The following EXOC2 variants were observed in gnomAD, a reference collection of about 807,000 sequenced individuals.
EXOC2 encodes the protein exocyst complex component 2.
In EXOC2, 70 loss-of-function variants were observed where a neutral mutation model predicts 131.8. That is an observed-to-expected ratio of 0.53 (90% CI 0.44 to 0.65). The LOEUF is 0.65. Ranked by LOEUF, EXOC2 falls within the 30% of genes least tolerant of loss-of-function variation. EXOC2 has a pLI of 0.00. For synonymous variants in EXOC2, 411 were observed against 398.4 expected (o/e 1.03, Z -0.38); for missense variants, 923 against 1,108.6 (o/e 0.83, Z 2.38).
chr6:657,244 T>C (rs1332792886), intron 1 of EXOC2: 5 of 290,792 alleles, frequency 1.7e-5, no homozygotes, highest in East Asian at 5.9e-5. Context: ...TGAAACTTCT[T>C]AGTATTCTAA....
At chr6:650,498 G>GT (rs1163937948) in intron 1 of EXOC2, among the ~76,000 whole-genome samples, 1 of 152,076 alleles carries the variant, frequency 6.6e-6, no homozygotes, top group Non-Finnish European at 1.5e-5. Flanking sequence ...ATTGTAAAAC[G>GT]TTTTTACTGT....
chr6:593,988 T>G (rs1167569401), intron 10 of EXOC2, among the ~76,000 whole-genome samples: 1 of 152,238 alleles, frequency 6.6e-6, no homozygotes, highest in African/African-American at 2.4e-5. Context: ...TCCAGGCATC[T>G]GCAGACGGGC....
chr6:507,494 T>C (rs770293225), intron 23 of EXOC2, among the ~76,000 whole-genome samples: 1 of 152,122 alleles, frequency 6.6e-6, no homozygotes, highest in African/African-American at 2.4e-5. Flanking sequence ...CTTTAAACAG[T>C]GCAAGAAAGC....
At chr6:618,914 G>T (rs1451258987) in intron 5 of EXOC2, among the ~76,000 whole-genome samples, 1 of 152,150 alleles carries the variant, frequency 6.6e-6, no homozygotes, top group African/African-American at 2.4e-5. Flanking sequence ...ACTTGCTCTT[G>T]TACAGAGTAA....
intron 22 of EXOC2, among the ~76,000 whole-genome samples, chr6:539,343 C>T (rs1317235282): frequency 2.6e-5 from 4 of 152,216 alleles, no homozygotes; most frequent in African/African-American, 9.6e-5. Flanking sequence ...CAGCGCCCTG[C>T]CACCTTAGCA....
intron 7 of EXOC2, among the ~76,000 whole-genome samples, chr6:605,598 T>C (rs1237032600): frequency 6.6e-6 from 1 of 152,208 alleles, no homozygotes; most frequent in Non-Finnish European, 1.5e-5. Flanking sequence ...TCTCTTTTCT[T>C]CTTTATTAGT....
chr6:580,170 T>C (rs150896692), intron 11 of EXOC2, among the ~76,000 whole-genome samples: 9 of 152,144 alleles, frequency 5.9e-5, no homozygotes, highest in Admixed American at 2.6e-4. Flanking sequence ...GCCTCTCAAG[T>C]AGCTGAGACT....
At chr6:619,365 C>T (rs1209695426) in intron 5 of EXOC2, 65 bp downstream of exon 5, 76 of 1,307,452 alleles carry the variant, frequency 5.8e-5, no homozygotes, top group Non-Finnish European at 7.6e-5. Flanking sequence ...CTCGAGTTAC[C>T]GTGTAATTCC....
At chr6:561,044 A>G (rs1757674858) in intron 17 of EXOC2, among the ~76,000 whole-genome samples, 1 of 152,174 alleles carries the variant, frequency 6.6e-6, no homozygotes, top group Non-Finnish European at 1.5e-5. Context: ...AAGCATTTAA[A>G]ATAGAATCTT....
intron 27 of EXOC2, 147 bp downstream of exon 27, chr6:488,832 A>G: frequency 1.4e-6 from 1 of 729,782 alleles, no homozygotes; most frequent in Non-Finnish European, 2.2e-6. Context: ...TACTAACGCT[A>G]TTAAGTAGGT....
At chr6:492,366 A>G (rs1763485839) in intron 25 of EXOC2, among the ~76,000 whole-genome samples, 3 of 152,230 alleles carry the variant, frequency 2.0e-5, no homozygotes, top group Admixed American at 1.3e-4. Context: ...AAGATTAAGT[A>G]TAGAGTAACC....
intron 23 of EXOC2, among the ~76,000 whole-genome samples, chr6:505,385 G>A (rs367632609): frequency 2.0e-5 from 3 of 152,314 alleles, no homozygotes; most frequent in South Asian, 2.1e-4. Flanking sequence ...GAAGAGGATC[G>A]GGGGACACAG....
intron 25 of EXOC2, 64 bp from the exon 26 acceptor site, chr6:491,250 C>T (rs995035833): frequency 3.2e-6 from 5 of 1,562,014 alleles, no homozygotes; most frequent in Non-Finnish European, 4.4e-6. Context: ...TAAACAAGTA[C>T]TAAGGTTAAG....
At chr6:545,494 A>G (rs1031384227) in intron 22 of EXOC2, among the ~76,000 whole-genome samples, 1 of 152,220 alleles carries the variant, frequency 6.6e-6, no homozygotes, top group African/African-American at 2.4e-5. Flanking sequence ...TAACTCTCTA[A>G]GAGCCTTCAA....
chr6:622,297 A>G (rs998738297), intron 4 of EXOC2, among the ~76,000 whole-genome samples: 2 of 151,942 alleles, frequency 1.3e-5, no homozygotes, highest in Non-Finnish European at 2.9e-5. Context: ...TACTAACAAC[A>G]GTCTTCACAC....
chr6:655,526 A>G (rs559144642), intron 1 of EXOC2, among the ~76,000 whole-genome samples: 1 of 152,352 alleles, frequency 6.6e-6, no homozygotes, highest in Admixed American at 6.5e-5. Flanking sequence ...TGTGAATATG[A>G]TACATGTGAA....
At chr6:525,435 T>C (rs1351510286) in intron 23 of EXOC2, 1 of 152,206 alleles carries the variant, frequency 6.6e-6, no homozygotes, top group Non-Finnish European at 1.5e-5. Context: ...GAAGACATGA[T>C]GGCAATAAGT....
At chr6:545,454 TA>T (rs1756797303) in intron 22 of EXOC2, among the ~76,000 whole-genome samples, 1 of 152,218 alleles carries the variant, frequency 6.6e-6, no homozygotes. Context: ...TTTGCACACT[TA>T]AATTGCAACT....
intron 21 of EXOC2, among the ~76,000 whole-genome samples, chr6:551,198 CA>C (rs1757124934): frequency 6.6e-6 from 1 of 152,162 alleles, no homozygotes; most frequent in African/African-American, 2.4e-5. Context: ...TAGATTATTT[CA>C]GTGATCCCCC....
Sources: gnomAD v4.1 joint callset for allele counts (sites outside exome capture counted in the v4.1 genomes callset) on GRCh38, gnomAD v4.1.1 for gene constraint, MANE v1.5 for transcripts, NCBI Gene and HGNC (gene_info 2026-07-23, HGNC 2026-07-21) for gene names.